The following ELAVL1 variants were observed in gnomAD, a reference collection of about 807,000 sequenced individuals.
ELAVL1 encodes the protein ELAV like RNA binding protein 1.
ELAVL1 carries 1 observed loss-of-function variant against 28.4 expected under a neutral mutation model. The ratio of observed to expected loss-of-function variants is 0.04; its 90% confidence interval spans 0.01 to 0.17. The LOEUF (loss-of-function observed/expected upper bound fraction) is 0.17. Ranked by LOEUF, ELAVL1 falls within the 10% of genes least tolerant of loss-of-function variation. The pLI is 1.00. For synonymous variants in ELAVL1, 174 were observed against 183.5 expected (o/e 0.95, Z 0.42); for missense variants, 157 against 447.2 (o/e 0.35, Z 5.85).
intron 5 of ELAVL1, among the ~76,000 whole-genome samples, chr19:7,966,586 C>G (rs1479192714): frequency 6.6e-6 from 1 of 152,212 alleles, no homozygotes; most frequent in Non-Finnish European, 1.5e-5. Flanking sequence ...ATACCTAAGG[C>G]AGCATCTTTT....
intron 1 of ELAVL1, among the ~76,000 whole-genome samples, chr19:7,999,933 C>A (rs550022959): frequency 6.6e-6 from 1 of 152,190 alleles, no homozygotes; most frequent in East Asian, 1.9e-4. Context: ...CCTGCCACCA[C>A]GCCCGGCTAA....
intron 1 of ELAVL1, among the ~76,000 whole-genome samples, chr19:7,996,183 C>CTTTTTT (rs35350359): frequency 7.8e-4 from 110 of 141,134 alleles, no homozygotes; most frequent in African/African-American, 2.7e-3. Context: ...ACCCAGAACC[C>CTTTTTT]TTTTTTTTTT....
At position 7,963,699 on chromosome 19, in the gene ELAVL1, G is replaced by A. The variant is rs141885519; in HGVS notation, c.765C>T (p.Ala255=). 1.1e-4 allele frequency: 178 copies of A among 1,614,250 alleles called. 1 individual carries two copies. The highest frequency in any genetic ancestry group is 1.6e-4 in the Middle Eastern group (1 of 6,062). Residue 255 remains alanine, a synonymous_variant, in exon 6 of 6, where the codon GCC becomes GCT. Coordinates refer to ENST00000407627, the MANE Select transcript of ELAVL1 (RefSeq NM_001419.3). The surrounding 1 kb of genome is among the most constrained non-coding windows in gnomAD (Gnocchi z 4.5). Reference sequence around the variant, plus strand: ...ACATCTGCCAGAGGATCCCCTCGTCGGCATCCTGCCCCAGGTTGTAGATGA... The same window carrying A: ...ACATCTGCCAGAGGATCCCCTCGTCAGCATCCTGCCCCAGGTTGTAGATGA... ...CIFIYNLGQD[A]DEGILWQMFG...
At chr19:7,984,369 T>C (rs1386326806) in intron 2 of ELAVL1, among the ~76,000 whole-genome samples, 1 of 152,088 alleles carries the variant, frequency 6.6e-6, no homozygotes, top group Non-Finnish European at 1.5e-5. Context: ...AGAGGAGATA[T>C]TTTAAACCTC....
In ELAVL1 at chr19:7,981,820, G is replaced by C. The variant is rs893285751; in HGVS notation, c.173-634C>G. 6.6e-5 allele frequency among the ~76,000 whole-genome samples: 10 copies of C among 151,884 alleles called. No individual in the cohort carries two copies. The highest frequency in any genetic ancestry group is 2.6e-4 in the Admixed American group (4 of 15,256). Reference sequence around the variant, plus strand: ...GTGGGGCCTGGGTGGTGAGGATGAGGAAGGCCACGGCAGTGGACAGGCTGG... The same window carrying C: ...GTGGGGCCTGGGTGGTGAGGATGAGCAAGGCCACGGCAGTGGACAGGCTGG... On this transcript the variant is annotated intron_variant, in intron 2 of 5. Coordinates refer to ENST00000407627, the MANE Select transcript of ELAVL1 (RefSeq NM_001419.3). The surrounding 1 kb of genome is among the most constrained non-coding windows in gnomAD (Gnocchi z 4.2).
chr19:7,974,565 C>T (rs756863490), intron 3 of ELAVL1, among the ~76,000 whole-genome samples: 7 of 152,096 alleles, frequency 4.6e-5, no homozygotes, highest in African/African-American at 7.2e-5. Flanking sequence ...TTGGCGCTGA[C>T]GGCCGTGCAG....
At chr19:7,986,223 T>G (rs1432982987) in intron 2 of ELAVL1, among the ~76,000 whole-genome samples, 1 of 152,180 alleles carries the variant, frequency 6.6e-6, no homozygotes, top group African/African-American at 2.4e-5. Flanking sequence ...GGTGAAGCCC[T>G]CCTCTGCACC....
chr19:7,986,712 A>C (rs1254917173), intron 2 of ELAVL1, among the ~76,000 whole-genome samples: 2 of 152,218 alleles, frequency 1.3e-5, no homozygotes, highest in Non-Finnish European at 2.9e-5. Context: ...GCTTTCAAAT[A>C]TCAACAAATG....
chr19:7,995,249 C>T (rs1024015049), intron 1 of ELAVL1, among the ~76,000 whole-genome samples: 4 of 152,244 alleles, frequency 2.6e-5, no homozygotes, highest in East Asian at 1.9e-4. Context: ...TTAAAATGCA[C>T]ATTGAAGCTT....
In ELAVL1 at chr19:7,981,561, T is replaced by A. The variant is rs570779214; in HGVS notation, c.173-375A>T. Among the ~76,000 whole-genome samples, 1 of 152,010 alleles carries A rather than the reference T, an allele frequency of 6.6e-6. No individual in the cohort carries two copies. The highest frequency in any genetic ancestry group is 2.4e-5 in the African/African-American group (1 of 41,376). ...TATTTTTAGAGATGGGGTCTCACTA[T>A]GTCACCCAGGCTGGTCTAAAACTTC... On this transcript the variant is annotated intron_variant, in intron 2 of 5. Transcript: ENST00000407627. The surrounding 1 kb of genome is among the most constrained non-coding windows in gnomAD (Gnocchi z 4.2).
intron 1 of ELAVL1, among the ~76,000 whole-genome samples, chr19:7,993,368 C>T (rs1985801892): frequency 6.6e-6 from 1 of 152,190 alleles, no homozygotes; most frequent in Non-Finnish European, 1.5e-5. Flanking sequence ...CACCCCTGGA[C>T]ACCCTGCTGC....
chr19:7,995,693 T>C (rs1985856849), intron 1 of ELAVL1, among the ~76,000 whole-genome samples: 2 of 151,534 alleles, frequency 1.3e-5, no homozygotes, highest in Non-Finnish European at 1.5e-5. Flanking sequence ...TGTTTTAAAA[T>C]GTAAAAACAT....
chr19:8,003,760 T>G (rs967457027), intron 1 of ELAVL1, among the ~76,000 whole-genome samples: 8 of 152,016 alleles, frequency 5.3e-5, no homozygotes, highest in Admixed American at 5.2e-4. Context: ...AAACTCTGTC[T>G]GCTCAAAACC....
In ELAVL1 at chr19:7,963,582, G is replaced by A. The variant is rs1984869945; in HGVS notation, c.882C>T (p.Asn294=). 1 of 1,614,134 alleles carries A rather than the reference G, an allele frequency of 6.2e-7. No individual in the cohort carries two copies. The highest frequency in any genetic ancestry group is 8.5e-7 in the Non-Finnish European group (1 of 1,180,052). Residue 294 remains asparagine (N), a synonymous_variant, in exon 6 of 6, where the codon AAC becomes AAT. Transcript: ENST00000407627. The surrounding 1 kb of genome is among the most constrained non-coding windows in gnomAD (Gnocchi z 4.5). ...CKGFGFVTMT[N]YEEAAMAIAS... Reference sequence around the variant, plus strand: ...CTATGGCCATCGCGGCTTCTTCATAGTTTGTCATGGTCACAAAGCCAAACC... The same window carrying A: ...CTATGGCCATCGCGGCTTCTTCATAATTTGTCATGGTCACAAAGCCAAACC...
chr19:7,976,517 G>A (rs937585961), intron 3 of ELAVL1, among the ~76,000 whole-genome samples: 56 of 152,322 alleles, frequency 3.7e-4, no homozygotes, highest in African/African-American at 1.3e-3. Flanking sequence ...CAGACACTGG[G>A]GTGATGCTTC....
intron 3 of ELAVL1, among the ~76,000 whole-genome samples, chr19:7,976,620 C>A (rs1985300331): frequency 6.6e-6 from 1 of 152,068 alleles, no homozygotes; most frequent in Non-Finnish European, 1.5e-5. Context: ...TCAAGAGAAA[C>A]CAACCCTGCT....
rs112043856 is a variant in ELAVL1 at position 7,971,477 on chromosome 19, T to C, written c.430+2248A>G. Among the ~76,000 whole-genome samples the C allele has an allele frequency of 2.3e-3, 351 of 152,290 alleles. 1 individual carries two copies. Among genetic ancestry groups the C allele is most frequent in the African/African-American group, 8.1e-3 (335 of 41,560 alleles). On this transcript the variant is annotated intron_variant, in intron 4 of 5. Coordinates refer to ENST00000407627, the MANE Select transcript of ELAVL1 (RefSeq NM_001419.3). ...CCAGCTCAGATGCCCCAGTGCAGAA[T>C]GGGGGGCAATAAACCCACACACTGG...
chr19:7,969,391 C>T (rs1985041599), intron 4 of ELAVL1, among the ~76,000 whole-genome samples: 1 of 152,206 alleles, frequency 6.6e-6, no homozygotes, highest in Non-Finnish European at 1.5e-5. Flanking sequence ...CTTACTCCAC[C>T]ACTTCCCAGA....
chr19:7,991,986 G>T (rs1331993148), intron 1 of ELAVL1, among the ~76,000 whole-genome samples, 155 bp from the exon 2 acceptor site: 3 of 150,148 alleles, frequency 2.0e-5, no homozygotes, highest in African/African-American at 7.4e-5. Context: ...TGTCACCCAG[G>T]CTGGAGTGCA....
Sources: allele counts gnomAD v4.1 joint callset (sites outside exome capture counted in the v4.1 genomes callset), GRCh38; gene constraint gnomAD v4.1.1; non-coding constraint Gnocchi (gnomAD v3.1); transcripts MANE v1.5; gene names NCBI Gene and HGNC (gene_info 2026-07-23, HGNC 2026-07-21).